SNRPN: variants seen among roughly 807,000 people sequenced by gnomAD.
The protein encoded by SNRPN is small nuclear ribonucleoprotein polypeptide N.
A neutral mutation model predicts 25.2 loss-of-function variants in SNRPN; 7 were observed. The ratio of observed to expected loss-of-function variants is 0.28; its 90% CI spans 0.16 to 0.52. The LOEUF is 0.52. SNRPN is among the 20% of genes least tolerant of loss of function. The probability of loss-of-function intolerance (pLI) is 0.96; values close to 1 mark genes in which losing one functional copy is unlikely to be tolerated. For synonymous variants in SNRPN, 124 were observed against 110.6 expected (o/e 1.12, Z -0.76); for missense variants, 196 against 322.5 (o/e 0.61, Z 3.00).
intron 1 of SNRPN, among the ~76,000 whole-genome samples, chr15:24,959,486 T>G (rs1220956192): frequency 6.6e-6 from 1 of 152,174 alleles, no homozygotes; most frequent in Non-Finnish European, 1.5e-5. Flanking sequence ...AAAGTTGAAA[T>G]AATAGAATAT....
chr15:24,861,017 A>G (rs2053938597), intron 1 of SNRPN, among the ~76,000 whole-genome samples: 1 of 152,136 alleles, frequency 6.6e-6, no homozygotes, highest in Non-Finnish European at 1.5e-5. Context: ...AAGGGCACAC[A>G]AGAATTGCTT....
chr15:24,918,356 T>TAA (rs2059676254), intron 2 of SNRPN, among the ~76,000 whole-genome samples: 1 of 85,914 alleles, frequency 1.2e-5, no homozygotes, highest in Admixed American at 1.3e-4. Context: ...ATATATAACA[T>TAA]TATATATATG....
At chr15:24,960,292 T>C (rs529069176) in intron 1 of SNRPN, among the ~76,000 whole-genome samples, 2 of 152,170 alleles carry the variant, frequency 1.3e-5, no homozygotes, top group Non-Finnish European at 2.9e-5. Context: ...ACCAGCAGTT[T>C]CCCCACATCC....
rs71127026 is a variant in SNRPN, at chr15:24,931,838, C to CAAAAAAA, written c.-391+11738_-391+11744dup. ...TGGGTGACAGAGTGAGAACCTGTCT[C>CAAAAAAA]AAAAAAAAAAAAAAAAAAAAAAAAA... On this transcript the variant is annotated intron_variant, in intron 3 of 11. Transcript: ENST00000400097. Among the ~76,000 whole-genome samples, 25 of 42,990 alleles carry CAAAAAAA rather than the reference C, an allele frequency of 5.8e-4. 2 individuals are homozygous for CAAAAAAA. The highest frequency in any genetic ancestry group is 1.2e-3 in the African/African-American group (10 of 8,422). The allele number at this position is 42,990 out of a possible 152,430, so 28.2% of individuals were successfully genotyped here. A position where few individuals can be genotyped will look rare whatever the true frequency, so the allele number is the denominator to read the frequency against.
At chr15:24,848,718 G>A (rs1005200482) in intron 2 of SNRPN, 1 of 151,908 alleles carries the variant, frequency 6.6e-6, no homozygotes, top group Non-Finnish European at 1.5e-5. Flanking sequence ...AATCATTTGT[G>A]TATTGGCCTT....
At chr15:24,959,630 T>C (rs1408329969) in intron 1 of SNRPN, among the ~76,000 whole-genome samples, 1 of 152,206 alleles carries the variant, frequency 6.6e-6, no homozygotes, top group African/African-American at 2.4e-5. Context: ...GTTTAGTTGA[T>C]AGTTTCTTTA....
At chr15:24,962,536 T>C (rs2074994855) in intron 2 of SNRPN, among the ~76,000 whole-genome samples, 1 of 152,230 alleles carries the variant, frequency 6.6e-6, no homozygotes, top group African/African-American at 2.4e-5. Context: ...CAAAATGTAC[T>C]GTGCGCTGAA....
chr15:24,918,046 T>A (rs1418904162), intron 2 of SNRPN, among the ~76,000 whole-genome samples: 2 of 152,068 alleles, frequency 1.3e-5, no homozygotes, highest in Non-Finnish European at 2.9e-5. Flanking sequence ...GTCTTTAATT[T>A]TCAAAATACT....
chr15:24,857,685 G>GT (rs1026001047), intron 1 of SNRPN, among the ~76,000 whole-genome samples: 2 of 152,192 alleles, frequency 1.3e-5, no homozygotes, highest in Admixed American at 1.3e-4. Flanking sequence ...CTCTGAGGTA[G>GT]TTTTTATGTG....
In SNRPN at chr15:24,888,536, G is replaced by C. The variant is rs574693835; in HGVS notation, c.-505+1947G>C. Among the ~76,000 whole-genome samples, 4 of 151,932 alleles carry C rather than the reference G, an allele frequency of 2.6e-5. No individual in the cohort carries two copies. In the South Asian group the frequency reaches 8.3e-4, roughly 32 times the overall value. The stretch of plus-strand genomic sequence containing the variant: ...AAGGAAAGAAGTACATTTTTTCAGC[G>C]TGTAAGAATGCAAAAGTAATTATCA... On this transcript the variant is annotated intron_variant, in intron 2 of 11. Transcript: ENST00000400097.
chr15:24,978,694 C>G lies in SNRPN; in HGVS notation c.*250C>G. 1 of 538,148 alleles carries G rather than the reference C, an allele frequency of 1.9e-6. No individual in the cohort carries two copies. The highest frequency in any genetic ancestry group is 3.3e-6 in the Non-Finnish European group (1 of 306,290). The allele number at this position is 538,148 out of a possible 1,614,324, so 33.3% of individuals were successfully genotyped here. A position where few individuals can be genotyped will look rare whatever the true frequency, so the allele number is the denominator to read the frequency against. Reference sequence around the variant, plus strand: ...GATTCAAATCATATTCTCTTTAATTCTTAGGATAAAAAGGTTTTCTGCTAT... The same window carrying G: ...GATTCAAATCATATTCTCTTTAATTGTTAGGATAAAAAGGTTTTCTGCTAT... On this transcript the variant is annotated 3_prime_UTR_variant, in exon 10 of 10. Coordinates refer to ENST00000390687, the MANE Select transcript of SNRPN (RefSeq NM_003097.6).
Position 24,968,026 on chromosome 15 carries a change from A to G in SNRPN, c.-200A>G. 9.9e-6 allele frequency: 16 copies of G among 1,614,076 alleles called. No homozygotes were observed. The highest frequency in any genetic ancestry group is 1.7e-5 in the Admixed American group (1 of 60,010). ...GCAGGCATTCTTAGCTGAGACACCA[A>G]GAGGTGGTTAAAGCCATATTGGAGT... On this transcript the variant is annotated 5_prime_UTR_variant, in exon 3 of 10. Coordinates refer to ENST00000390687, the MANE Select transcript of SNRPN (RefSeq NM_003097.6).
intron 2 of SNRPN, among the ~76,000 whole-genome samples, chr15:24,839,661 A>G (rs1046626079): frequency 6.6e-6 from 1 of 152,080 alleles, no homozygotes; most frequent in African/African-American, 2.4e-5. Flanking sequence ...CTGACAAATG[A>G]TGATGACAAC....
At chr15:24,924,297 A>G (rs11161160) in intron 3 of SNRPN, among the ~76,000 whole-genome samples, 68,488 of 151,316 alleles carry the variant, frequency 0.45, 15,790 homozygotes, top group East Asian at 0.52. Context: ...AACTTAGGGG[A>G]GAGTAAACAG....
At chr15:24,867,414 G>A (rs916218962) in intron 1 of SNRPN, among the ~76,000 whole-genome samples, 3 of 149,844 alleles carry the variant, frequency 2.0e-5, no homozygotes, top group Non-Finnish European at 3.0e-5. Context: ...TCACTCTGTC[G>A]CCCAGGCTGG....
At chr15:24,903,420 A>AAAAAAC (rs1403205477) in intron 2 of SNRPN, among the ~76,000 whole-genome samples, 2 of 152,150 alleles carry the variant, frequency 1.3e-5, no homozygotes, top group African/African-American at 2.4e-5. Flanking sequence ...TTTGGCAGAG[A>AAAAAAC]AAAAACAAAA....
At chr15:24,887,268 C>A (rs2057280013) in intron 2 of SNRPN, among the ~76,000 whole-genome samples, 1 of 151,796 alleles carries the variant, frequency 6.6e-6, no homozygotes, top group African/African-American at 2.4e-5. Flanking sequence ...CTGCCTCAGG[C>A]TCCCATGTAG....
chr15:24,975,605 G>C (rs1252697668), intron 5 of SNRPN, 96 bp downstream of exon 5: 2 of 1,016,416 alleles, frequency 2.0e-6, no homozygotes, highest in African/African-American at 3.2e-5. Flanking sequence ...AACTGAAGTA[G>C]TTAGGGAAAC....
At chr15:24,926,185 C>T (rs569661628) in intron 3 of SNRPN, among the ~76,000 whole-genome samples, 2 of 152,210 alleles carry the variant, frequency 1.3e-5, no homozygotes, top group African/African-American at 4.8e-5. Context: ...TAAATAGCTA[C>T]TTTAGATTCT....
Sources: allele counts gnomAD v4.1 joint callset (sites outside exome capture counted in the v4.1 genomes callset), GRCh38; gene constraint gnomAD v4.1.1; transcripts MANE v1.5; gene names NCBI Gene and HGNC (gene_info 2026-07-23, HGNC 2026-07-21).